Variants in ITGAE observed in about 807,000 individuals in gnomAD.
ITGAE encodes integrin subunit alpha E.
A neutral mutation model predicts 136.5 loss-of-function variants in ITGAE; 99 were observed. That is an observed-to-expected ratio of 0.73 (90% CI 0.62 to 0.86). The LOEUF is 0.86. Ranked by LOEUF, ITGAE falls within the 40% of genes least tolerant of loss-of-function variation. The pLI, the probability that ITGAE is intolerant of heterozygous loss-of-function variation, is 0.00. For synonymous variants in ITGAE, 613 were observed against 591.8 expected, an observed-to-expected ratio of 1.04 and a Z score of -0.52; for missense variants, 1,447 against 1,515.3, an observed-to-expected ratio of 0.95 and a Z score of 0.75.
Position 3,716,751 on chromosome 17 carries a change from G to A in ITGAE, c.3381C>T (p.Ile1127=), listed in dbSNP as rs749164841. Residue 1127 remains isoleucine, a synonymous_variant, in exon 30 of 31, where the codon ATC becomes ATT. Coordinates refer to ENST00000263087, the MANE Select transcript of ITGAE (RefSeq NM_002208.5). The part of the protein sequence containing the change: ...LKDEKYHSLP[I]IIKGSVGGLL... ...GTCCACCAACGCTGCCTTTAATGATGATAGGCAAAGAATGGTACTTCTCAT... is the reference window on the plus strand; with the variant it reads ...GTCCACCAACGCTGCCTTTAATGATAATAGGCAAAGAATGGTACTTCTCAT... The A allele has an allele frequency of 3.9e-5, 63 of 1,609,980 alleles. 1 individual carries two copies. The East Asian group carries it at 1.2e-3, about 32-fold the overall frequency.
chr17:3,782,749 T>C (rs2052694900), intron 1 of ITGAE, among the ~76,000 whole-genome samples: 1 of 152,196 alleles, frequency 6.6e-6, no homozygotes, highest in Admixed American at 6.6e-5. Context: ...ACTTTTGCCA[T>C]AAACACTCTT....
intron 23 of ITGAE, 64 bp downstream of exon 23, chr17:3,731,040 A>G (rs2051329573): frequency 7.5e-7 from 1 of 1,326,108 alleles, no homozygotes; most frequent in Non-Finnish European, 1.1e-6. Context: ...CACAGCGTGC[A>G]TGTGGCAGGG....
chr17:3,720,113 C>G (rs1184548226), intron 29 of ITGAE, among the ~76,000 whole-genome samples, 194 bp downstream of exon 29: 2 of 152,168 alleles, frequency 1.3e-5, no homozygotes, highest in African/African-American at 4.8e-5. Flanking sequence ...CAGAACTCCT[C>G]AGCTTAGGCC....
intron 1 of ITGAE, chr17:3,784,236 G>A (rs976719196): frequency 7.1e-6 from 2 of 282,304 alleles, no homozygotes; most frequent in South Asian, 3.1e-5. Flanking sequence ...CTCCCGCCTG[G>A]GCAACAGAGC....
At chr17:3,732,556 C>T in intron 21 of ITGAE, 90 bp from the exon 22 acceptor site, 1 of 1,078,604 alleles carries the variant, frequency 9.3e-7, no homozygotes, top group Non-Finnish European at 1.4e-6. Flanking sequence ...CAAACATTCA[C>T]TAATTTTTCT....
Position 3,798,016 on chromosome 17 carries a change from C to T in ITGAE, c.34+3095G>A, listed in dbSNP as rs866609814. 3.9e-5 allele frequency among the ~76,000 whole-genome samples: 6 copies of T among 152,312 alleles called. No individual in the cohort carries two copies. The highest frequency in any genetic ancestry group is 2.1e-4 in the South Asian group (1 of 4,834). Reference sequence around the variant, plus strand: ...TCCCCACGTTCCTCACCACCTCCACCGTGGGCCTCTCGGGACTGGATGCCC... The same window carrying T: ...TCCCCACGTTCCTCACCACCTCCACTGTGGGCCTCTCGGGACTGGATGCCC... On this transcript the variant is annotated intron_variant, in intron 1 of 30. Transcript: ENST00000263087. The surrounding 1 kb of genome is among the most constrained non-coding windows in gnomAD (Gnocchi z 4.3).
intron 1 of ITGAE, among the ~76,000 whole-genome samples, chr17:3,782,500 C>T (rs955891675): frequency 4.6e-5 from 7 of 151,152 alleles, no homozygotes; most frequent in African/African-American, 7.3e-5. Flanking sequence ...CCCAAGTAGC[C>T]GGGATTACAG....
At chr17:3,726,129 C>T (rs774884251) in intron 26 of ITGAE, 25 of 1,614,156 alleles carry the variant, frequency 1.5e-5, no homozygotes, top group African/African-American at 6.7e-5. Context: ...GAATAACAAC[C>T]GCTGGGGTGA....
chr17:3,776,836 G>A (rs1278192718), intron 2 of ITGAE, among the ~76,000 whole-genome samples: 5 of 152,202 alleles, frequency 3.3e-5, no homozygotes, highest in African/African-American at 1.2e-4. Flanking sequence ...TGAGATTACA[G>A]GCGTGAGCCA....
chr17:3,760,293 C>G lies in ITGAE; in HGVS notation c.599-6G>C, dbSNP rs1367685292. 6.3e-7 allele frequency: 1 copy of G among 1,584,338 alleles called. No homozygotes were observed. The highest frequency in any genetic ancestry group is 1.7e-5 in the Admixed American group (1 of 59,770). On this transcript the variant is annotated splice_polypyrimidine_tract_variant and splice_region_variant and intron_variant, in intron 6 of 30. Transcript: ENST00000263087. ...GATGATGGCAATCTCGGTGCCTGGC[C>G]AAGACAAACAGGTCAGGAGTGGGCA...
chr17:3,718,237 G>T (rs947546979), intron 29 of ITGAE: 3 of 152,250 alleles, frequency 2.0e-5, no homozygotes, highest in Non-Finnish European at 4.4e-5. Context: ...CTAATAAGAT[G>T]TAAGAGGATG....
intron 23 of ITGAE, 139 bp downstream of exon 23, chr17:3,730,965 C>A: frequency 1.6e-6 from 1 of 614,822 alleles, no homozygotes; most frequent in Non-Finnish European, 2.9e-6. Flanking sequence ...TGCAGGGAAA[C>A]AGATGCCTTC....
In ITGAE at chr17:3,731,223, A is replaced by G. The variant is rs201713144; in HGVS notation, c.2755-40T>C. ...GAAAAATGGTCAGTTGATTCTCTCT[A>G]TGCCACTCACAATTCAGACCGCTAG... On this transcript the variant is annotated intron_variant, in intron 22 of 30. Transcript: ENST00000263087. The G allele has an allele frequency of 1.7e-4, 252 of 1,507,972 alleles. 3 individuals carry two copies. In the Admixed American group the frequency reaches 4.1e-3, roughly 25 times the overall value. The allele number at this position is 1,507,972 out of a possible 1,614,324, so 93.4% of individuals were successfully genotyped here. A position where few individuals can be genotyped will look rare whatever the true frequency, so the allele number is the denominator to read the frequency against.
intron 26 of ITGAE, chr17:3,724,985 C>T (rs377252855): frequency 6.1e-5 from 99 of 1,614,026 alleles, no homozygotes; most frequent in Non-Finnish European, 7.7e-5. Context: ...AAACCTCTCT[C>T]CTCCATTCCC....
intron 19 of ITGAE, 48 bp downstream of exon 19, chr17:3,743,441 T>G (rs773143656): frequency 1.7e-5 from 26 of 1,518,630 alleles, no homozygotes; most frequent in Non-Finnish European, 1.5e-5. Flanking sequence ...GTGGTTTCTG[T>G]GGGATAGGCT....
chr17:3,754,366 G>A (rs186640283), intron 12 of ITGAE, among the ~76,000 whole-genome samples: 18 of 152,264 alleles, frequency 1.2e-4, no homozygotes, highest in African/African-American at 4.3e-4. Flanking sequence ...CCCCCTCCCG[G>A]GTTCAAGCGA....
chr17:3,761,788 C>G (rs2052176674), intron 4 of ITGAE, 127 bp downstream of exon 4: 1 of 851,248 alleles, frequency 1.2e-6, no homozygotes, highest in African/African-American at 1.7e-5. Flanking sequence ...GGGGTTGGCA[C>G]CAGGGAGACG....
At chr17:3,727,691 A>G (rs1412423785) in intron 26 of ITGAE, among the ~76,000 whole-genome samples, 2 of 152,016 alleles carry the variant, frequency 1.3e-5, no homozygotes, top group African/African-American at 2.4e-5. Flanking sequence ...GAGCCACCGC[A>G]CCTGGCCAAT....
intron 9 of ITGAE, 117 bp from the exon 10 acceptor site, chr17:3,757,251 C>G (rs1358851857): frequency 8.2e-7 from 1 of 1,222,318 alleles, no homozygotes; most frequent in Non-Finnish European, 1.2e-6. Context: ...TCCTTCCTTC[C>G]TTTCTCCTCC....
Sources: allele counts gnomAD v4.1 joint callset (sites outside exome capture counted in the v4.1 genomes callset), GRCh38; gene constraint gnomAD v4.1.1; non-coding constraint Gnocchi (gnomAD v3.1); transcripts MANE v1.5; gene names NCBI Gene and HGNC (gene_info 2026-07-23, HGNC 2026-07-21).